C5orf15: variants seen among roughly 807,000 people sequenced by gnomAD.
The protein encoded by C5orf15 is keratinocyte-associated transmembrane protein 2.
C5orf15 carries 10 observed loss-of-function variants against 17.8 expected under a neutral mutation model. The observed-to-expected ratio is 0.56, with a 90% CI of 0.35 to 0.95. The LOEUF (loss-of-function observed/expected upper bound fraction) is 0.95. Ranked by LOEUF, C5orf15 falls within the 40% of genes least tolerant of loss-of-function variation. C5orf15 has a pLI of 0.02. For synonymous variants in C5orf15, 124 were observed against 131.0 expected (o/e 0.95, Z 0.36); for missense variants, 319 against 331.7 (o/e 0.96, Z 0.30).
At position 133,968,596 on chromosome 5, in the gene C5orf15, C is replaced by T. The variant is rs1423970771; in HGVS notation, c.-12G>A. Reference sequence around the variant, plus strand: ...ACGGCAGCGGCCATAACGGACTCGGCTGGGAGCCTGCGCTGTTGCTAGGCT... The same window carrying T: ...ACGGCAGCGGCCATAACGGACTCGGTTGGGAGCCTGCGCTGTTGCTAGGCT... On this transcript the variant is annotated 5_prime_UTR_variant, in exon 1 of 3. Transcript: ENST00000231512. 8 of 1,600,514 alleles carry T rather than the reference C, an allele frequency of 5.0e-6. No homozygotes were observed. The highest frequency in any genetic ancestry group is 6.8e-6 in the Non-Finnish European group (8 of 1,174,182).
chr5:133,958,637 C>T (rs1752073056), intron 2 of C5orf15, among the ~76,000 whole-genome samples: 1 of 123,652 alleles, frequency 8.1e-6, no homozygotes, highest in Non-Finnish European at 1.7e-5. Flanking sequence ...AAAATCATTA[C>T]ATACACCTAT....
At chr5:133,966,986 T>G (rs1276535818) in intron 1 of C5orf15, among the ~76,000 whole-genome samples, 1 of 152,222 alleles carries the variant, frequency 6.6e-6, no homozygotes, top group Non-Finnish European at 1.5e-5. Context: ...ACAGTCCACA[T>G]TCTGCCTCAC....
intron 1 of C5orf15, among the ~76,000 whole-genome samples, chr5:133,960,223 C>G (rs1390070702): frequency 2.6e-5 from 4 of 152,116 alleles, no homozygotes; most frequent in African/African-American, 9.7e-5. Context: ...AATTGCTTTG[C>G]TAGATACTAA....
At chr5:133,957,436 A>C (rs1231016429) in intron 2 of C5orf15, among the ~76,000 whole-genome samples, 1 of 152,022 alleles carries the variant, frequency 6.6e-6, no homozygotes, top group African/African-American at 2.4e-5. Context: ...CTCAAATTTC[A>C]ATATATATAG....
chr5:133,963,274 C>T (rs1752147746), intron 1 of C5orf15, among the ~76,000 whole-genome samples: 1 of 152,366 alleles, frequency 6.6e-6, no homozygotes, highest in East Asian at 1.9e-4. Flanking sequence ...CTGATGACAT[C>T]ACTTCCTAAC....
intron 1 of C5orf15, among the ~76,000 whole-genome samples, chr5:133,965,661 C>G (rs1752181257): frequency 6.6e-6 from 1 of 152,238 alleles, no homozygotes; most frequent in African/African-American, 2.4e-5. Context: ...CACGGTGGCT[C>G]ACGCCTGTAA....
chr5:133,957,455 G>C (rs1752056365), intron 2 of C5orf15, among the ~76,000 whole-genome samples: 1 of 151,836 alleles, frequency 6.6e-6, no homozygotes, highest in Non-Finnish European at 1.5e-5. Context: ...AGGAATGTTT[G>C]TTAAAGACTC....
At chr5:133,959,398 T>G (rs78967855) in intron 2 of C5orf15, 96 bp downstream of exon 2, 28,354 of 787,302 alleles carry the variant, frequency 0.036, 1,223 homozygotes, top group South Asian at 0.071. Context: ...ACTACACTTT[T>G]TTTTGCAAAA....
rs1752044773 is a variant in C5orf15, at chr5:133,956,514, C to T, written c.*345G>A. On this transcript the variant is annotated 3_prime_UTR_variant, in exon 3 of 3. Coordinates refer to ENST00000231512, the MANE Select transcript of C5orf15 (RefSeq NM_020199.3). ...TGAATGGCGGAGAATGAATGTGAGT[C>T]AGCAGTAACAGATATGTCAGAATTT... 1 of 162,406 alleles carries T rather than the reference C, an allele frequency of 6.2e-6. No homozygotes were observed. The highest frequency in any genetic ancestry group is 1.3e-5 in the Non-Finnish European group (1 of 75,196). The allele number at this position is 162,406 out of a possible 1,614,324, so 10.1% of individuals were successfully genotyped here. A position where few individuals can be genotyped will look rare whatever the true frequency, so the allele number is the denominator to read the frequency against.
intron 2 of C5orf15, among the ~76,000 whole-genome samples, chr5:133,958,604 A>AAAAAAAAAAT (rs1752072240): frequency 1.3e-5 from 2 of 149,274 alleles, no homozygotes; most frequent in African/African-American, 5.0e-5. Flanking sequence ...AAAAAAAAAA[A>AAAAAAAAAAT]CTCTGTGAGA....
intron 2 of C5orf15, 65 bp downstream of exon 2, chr5:133,959,425 AAAAG>A: frequency 2.1e-5 from 15 of 721,560 alleles, no homozygotes; most frequent in Admixed American, 1.3e-4. Flanking sequence ...AAAAAAAAAA[AAAAG>A]AACCATGAAT....
At chr5:133,963,319 G>A (rs1752148103) in intron 1 of C5orf15, among the ~76,000 whole-genome samples, 1 of 152,038 alleles carries the variant, frequency 6.6e-6, no homozygotes, top group Admixed American at 6.6e-5. Flanking sequence ...TTCCAAGAAC[G>A]ACCAGAATTC....
chr5:133,960,118 G>A (rs1222456261), intron 1 of C5orf15, 98 bp from the exon 2 acceptor site: 2 of 994,750 alleles, frequency 2.0e-6, no homozygotes, highest in Non-Finnish European at 2.9e-6. Flanking sequence ...ATTTCTCTCT[G>A]CTACATTCCT....
intron 1 of C5orf15, among the ~76,000 whole-genome samples, chr5:133,967,652 T>C (rs1752215559): frequency 1.3e-5 from 2 of 152,180 alleles, no homozygotes; most frequent in South Asian, 4.1e-4. Flanking sequence ...ATCCTACAGA[T>C]GCATTAAAAC....
At chr5:133,968,305 G>T in intron 1 of C5orf15, 141 bp downstream of exon 1, 1 of 1,147,360 alleles carries the variant, frequency 8.7e-7, no homozygotes, top group Non-Finnish European at 1.2e-6. Context: ...CCGTCCTCAG[G>T]CCCGCGGAGA....
chr5:133,958,465 T>G (rs4958201), intron 2 of C5orf15, among the ~76,000 whole-genome samples: 29,731 of 150,636 alleles, frequency 0.2, 3,796 homozygotes, highest in Non-Finnish European at 0.27. Flanking sequence ...TAGTCCCAGT[T>G]ACTCAAGAGG....
At chr5:133,957,799 G>C (rs1441896122) in intron 2 of C5orf15, among the ~76,000 whole-genome samples, 1 of 152,246 alleles carries the variant, frequency 6.6e-6, no homozygotes, top group Non-Finnish European at 1.5e-5. Context: ...CCCCGAAGGG[G>C]AAGGTGGCTT....
Position 133,959,689 on chromosome 5 carries a change from C to T in C5orf15, c.471G>A (p.Thr157=), listed in dbSNP as rs1329574205. Residue 157 remains threonine (T), a synonymous_variant, in exon 2 of 3, where the codon ACG becomes ACA. Transcript: ENST00000231512. ...DYGEPDYDWT[T]GPRDDDESDD... The stretch of plus-strand genomic sequence containing the variant: ...CAGACTCGTCGTCGTCCCTGGGGCC[C>T]GTGGTCCAGTCATAGTCTGGTTCTC... 3.7e-6 allele frequency: 6 copies of T among 1,613,344 alleles called. No homozygotes were observed. Among genetic ancestry groups the T allele is most frequent in the South Asian group, 1.1e-5 (1 of 90,876 alleles).
rs55963520 is a variant in C5orf15 at position 133,961,772 on chromosome 5, A to AT, written c.140-1753dup. On this transcript the variant is annotated intron_variant, in intron 1 of 2. Coordinates refer to ENST00000231512, the MANE Select transcript of C5orf15 (RefSeq NM_020199.3). ...ATATATTTGTCCAATGCCATATGCA[A>AT]TTTTTTTTTTTTTTTGAGACAGCAT... 5.0e-3 allele frequency among the ~76,000 whole-genome samples: 706 copies of AT among 141,606 alleles called. 1 individual carries two copies. The highest frequency in any genetic ancestry group is 0.014 in the Middle Eastern group (4 of 286). 92.9% of individuals were successfully genotyped at this position (141,606 alleles called of 152,430 possible). A position where few individuals can be genotyped will look rare whatever the true frequency, so the allele number is the denominator to read the frequency against.
Sources: allele counts gnomAD v4.1 joint callset (sites outside exome capture counted in the v4.1 genomes callset), GRCh38; gene constraint gnomAD v4.1.1; transcripts MANE v1.5; gene names NCBI Gene and HGNC (gene_info 2026-07-23, HGNC 2026-07-21).